Variants in FARS2 observed in about 807,000 individuals in gnomAD.
FARS2 encodes phenylalanine--tRNA ligase, mitochondrial.
Under a neutral mutation model 46.4 loss-of-function variants are expected in FARS2, and 40 were observed. The observed-to-expected ratio is 0.86, with a 90% CI of 0.67 to 1.12. The LOEUF (loss-of-function observed/expected upper bound fraction) is 1.12. Among genes scored for constraint, FARS2 ranks in the 50% most tolerant of loss-of-function variants. The pLI, the probability that FARS2 is intolerant of heterozygous loss-of-function variation, is 0.00. For missense variants in FARS2, 513 were observed against 567.9 expected (o/e 0.90, Z 0.98); for synonymous variants, 234 against 214.9 (o/e 1.09, Z -0.78).
chr6:5,614,896 A>G (rs1382755119), intron 6 of FARS2, among the ~76,000 whole-genome samples: 1 of 152,188 alleles, frequency 6.6e-6, no homozygotes, highest in Non-Finnish European at 1.5e-5. Context: ...CTTGAATAAC[A>G]GTTTGGTTGG....
intron 4 of FARS2, among the ~76,000 whole-genome samples, chr6:5,474,454 C>T (rs528497467): frequency 6.6e-5 from 10 of 152,146 alleles, no homozygotes; most frequent in African/African-American, 2.4e-4. Context: ...GCAATTTTGT[C>T]GTTGTGTGAA....
At chr6:5,624,300 G>A (rs1342065677) in intron 6 of FARS2, among the ~76,000 whole-genome samples, 1 of 152,140 alleles carries the variant, frequency 6.6e-6, no homozygotes, top group Non-Finnish European at 1.5e-5. Flanking sequence ...CTTGACACCA[G>A]CATTAGATGA....
chr6:5,747,728 CTG>C (rs1378197795), intron 6 of FARS2, among the ~76,000 whole-genome samples: 1 of 152,212 alleles, frequency 6.6e-6, no homozygotes, highest in Non-Finnish European at 1.5e-5. Flanking sequence ...CTTGTTGAAA[CTG>C]TGCATGTAAT....
chr6:5,347,763 A>G (rs916362160), intron 1 of FARS2, among the ~76,000 whole-genome samples: 1 of 152,230 alleles, frequency 6.6e-6, no homozygotes, highest in Non-Finnish European at 1.5e-5. Flanking sequence ...TTACAACGTC[A>G]CCAACAAATC....
chr6:5,738,254 C>G (rs1761077089), intron 6 of FARS2, among the ~76,000 whole-genome samples: 2 of 152,194 alleles, frequency 1.3e-5, no homozygotes, highest in Non-Finnish European at 2.9e-5. Context: ...CCAGCTACTT[C>G]TAGAATTTTT....
At chr6:5,759,743 A>T (rs1276484067) in intron 6 of FARS2, among the ~76,000 whole-genome samples, 3 of 152,122 alleles carry the variant, frequency 2.0e-5, no homozygotes, top group Non-Finnish European at 4.4e-5. Context: ...AGTGAGGAGA[A>T]ACACAGGACA....
chr6:5,732,256 AT>A, intron 6 of FARS2, among the ~76,000 whole-genome samples: 1 of 152,202 alleles, frequency 6.6e-6, no homozygotes, highest in Non-Finnish European at 1.5e-5. Flanking sequence ...AAACAGGAGT[AT>A]CATGATTGAG....
rs376835051 is a variant in FARS2 at position 5,690,785 on chromosome 6, C to G, written c.1217+77465C>G. ...AGAAGTTCTCCTGGATAATATCCTG[C>G]GGAGTGTTTTCCAACTTGGTTCCAT... On this transcript the variant is annotated intron_variant, in intron 6 of 6. Transcript: ENST00000274680. Among the ~76,000 whole-genome samples, 4 of 152,212 alleles carry G rather than the reference C, an allele frequency of 2.6e-5. 1 individual carries two copies. The East Asian group carries it at 7.7e-4, about 29-fold the overall frequency.
chr6:5,251,645 CCCATGATCCAAT>C, the FARS2 span, among the ~76,000 whole-genome samples: 1 of 152,188 alleles, frequency 6.6e-6, no homozygotes, highest in Non-Finnish European at 1.5e-5. Context: ...GAAACCTGCC[CCCATGATCCAAT>C]TACTTCCCAC....
rs182711844 is a variant in FARS2, at chr6:5,644,072, C to T, written c.1217+30752C>T. ...AGACATGCTTGTTGTGATGGCCCTGCGCTTCTGGGGGTGTCTTCATTTGTC... is the reference window on the plus strand; with the variant it reads ...AGACATGCTTGTTGTGATGGCCCTGTGCTTCTGGGGGTGTCTTCATTTGTC... On this transcript the variant is annotated intron_variant, in intron 6 of 6. Coordinates refer to ENST00000274680, the MANE Select transcript of FARS2 (RefSeq NM_006567.5). 7.4e-4 allele frequency among the ~76,000 whole-genome samples: 113 copies of T among 152,182 alleles called. 2 individuals are homozygous for T. The East Asian group carries it at 0.019, about 25-fold the overall frequency.
intron 2 of FARS2, 87 bp from the exon 3 acceptor site, chr6:5,404,455 C>A: frequency 1.2e-6 from 1 of 868,068 alleles, no homozygotes; most frequent in Non-Finnish European, 1.7e-6. Context: ...TTTTTAGAGT[C>A]AAAAGATTCT....
intron 2 of FARS2, among the ~76,000 whole-genome samples, chr6:5,404,328 C>A (rs1160270338): frequency 6.6e-6 from 1 of 152,188 alleles, no homozygotes; most frequent in Non-Finnish European, 1.5e-5. Context: ...TGTCTTAATT[C>A]TCTAAAAACC....
intron 5 of FARS2, among the ~76,000 whole-genome samples, chr6:5,545,615 C>G (rs1426954134): frequency 6.6e-6 from 1 of 152,022 alleles, no homozygotes; most frequent in Non-Finnish European, 1.5e-5. Flanking sequence ...CCCTTGCCTG[C>G]CACCCCGCAA....
At chr6:5,761,808 TAAAAAAAAAAA>T (rs79057006) in intron 6 of FARS2, among the ~76,000 whole-genome samples, 2 of 105,926 alleles carry the variant, frequency 1.9e-5, no homozygotes, top group Admixed American at 2.0e-4. Flanking sequence ...GTGGAGGATC[TAAAAAAAAAAA>T]AAAAAAAAAG....
chr6:5,371,434 A>G (rs1320144602), intron 2 of FARS2, among the ~76,000 whole-genome samples: 9 of 152,156 alleles, frequency 5.9e-5, no homozygotes, highest in Non-Finnish European at 1.0e-4. Context: ...GTATTTCAGC[A>G]AGAAGAAAAG....
chr6:5,260,869 T>A (rs1179271415), upstream of FARS2: 16 of 1,459,324 alleles, frequency 1.1e-5, no homozygotes, highest in Non-Finnish European at 1.4e-5. Context: ...GGGCCGGGCC[T>A]AAGCCTAAGC....
intron 6 of FARS2, among the ~76,000 whole-genome samples, chr6:5,702,905 A>T (rs9328328): frequency 0.38 from 58,347 of 151,954 alleles, 11,750 homozygotes; most frequent in East Asian, 0.68. Context: ...CTGGGATGTC[A>T]CTGTGTTCAC....
At chr6:5,761,383 A>C (rs1304899516) in intron 6 of FARS2, among the ~76,000 whole-genome samples, 1 of 152,208 alleles carries the variant, frequency 6.6e-6, no homozygotes, top group Non-Finnish European at 1.5e-5. Flanking sequence ...ATGAATATGT[A>C]TGTATTGATC....
chr6:5,341,215 ATATATATATATATATATATAT>A (rs1180953833), intron 1 of FARS2, among the ~76,000 whole-genome samples: 115 of 8,402 alleles, frequency 0.014, 16 homozygotes, highest in African/African-American at 0.039. Context: ...ATATATATAT[ATATATATATATATATATATAT>A]TTTTTTTTTT....
Sources: allele counts gnomAD v4.1 joint callset (sites outside exome capture counted in the v4.1 genomes callset), GRCh38; gene constraint gnomAD v4.1.1; transcripts MANE v1.5; gene names NCBI Gene and HGNC (gene_info 2026-07-23, HGNC 2026-07-21).